The following ERICH6B variants were observed in gnomAD, a reference collection of about 807,000 sequenced individuals.
ERICH6B encodes glutamate rich 6B.
In ERICH6B, 69 loss-of-function variants were observed where a neutral mutation model predicts 80.0. The ratio of observed to expected loss-of-function variants is 0.86; its 90% CI spans 0.71 to 1.05. ERICH6B has a LOEUF of 1.05. Among genes scored for constraint, ERICH6B ranks in the 50% least tolerant of loss-of-function variants. The pLI is 0.00. For missense variants in ERICH6B, 754 were observed against 796.1 expected, an observed-to-expected ratio of 0.95 and a Z score of 0.64; for synonymous variants, 283 against 291.9, an observed-to-expected ratio of 0.97 and a Z score of 0.31.
rs1484664608 is a variant in ERICH6B at position 45,596,350 on chromosome 13, C to T, written c.637+19G>A. On this transcript the variant is annotated intron_variant, in intron 3 of 14. Transcript: ENST00000298738. ...ATACTTTTCCTCCCATAGATGCTCT[C>T]CCTCCTCCAGATACTCACCTTTCAG... The T allele has an allele frequency of 4.5e-6, 7 of 1,540,150 alleles. No homozygotes were observed. The highest frequency in any genetic ancestry group is 5.3e-6 in the Non-Finnish European group (6 of 1,141,782).
intron 8 of ERICH6B, among the ~76,000 whole-genome samples, chr13:45,570,589 C>G (rs1479116601): frequency 1.3e-5 from 2 of 152,224 alleles, no homozygotes; most frequent in Non-Finnish European, 2.9e-5. Flanking sequence ...GGTAGTCTCT[C>G]AAAATGTGCC....
chr13:45,587,041 G>T, intron 5 of ERICH6B, 22 bp downstream of exon 5: 1 of 1,546,988 alleles, frequency 6.5e-7, no homozygotes, highest in South Asian at 1.2e-5. Flanking sequence ...GCGCCTCACC[G>T]ACAGAGCGCA....
rs1261373829 is a variant in ERICH6B at position 45,544,795 on chromosome 13, T to C, written c.1837A>G (p.Lys613Glu). The change falls in exon 14 of 15, where the codon AAG (lysine) becomes GAG (glutamate). Residue 613 changes from lysine (K) to glutamate (E), a missense_variant. By Grantham distance (56) the Lys-to-Glu change is moderately conservative. Transcript: ENST00000298738. ...KIIFCFTYEQ[K>E]QICLNLGTRY... ...GTGCCCAGGTTTAAACAAATCTGCT[T>C]CTGTTCATAGGTGAAGCAGAAGATG... The C allele has an allele frequency of 6.4e-7, 1 of 1,551,692 alleles. No homozygotes were observed. The highest frequency in any genetic ancestry group is 1.2e-5 in the South Asian group (1 of 84,056).
chr13:45,601,012 G>A (rs1312281371), intron 2 of ERICH6B, among the ~76,000 whole-genome samples: 1 of 152,066 alleles, frequency 6.6e-6, no homozygotes, highest in Non-Finnish European at 1.5e-5. Context: ...CCATGCCCCA[G>A]GCCTGCCTTC....
At position 45,576,932 on chromosome 13, in the gene ERICH6B, G is replaced by A. The variant is rs1484443342; in HGVS notation, c.962-2002C>T. Among the ~76,000 whole-genome samples the A allele has an allele frequency of 3.3e-5, 5 of 152,150 alleles. No homozygotes were observed. In the East Asian group the frequency reaches 9.6e-4, roughly 29 times the overall value. Reference sequence around the variant, plus strand: ...GACTGGGGCTGAATGAGAAGAAAAAGCCTTATTTCTAATTAACTTTCCCTT... The same window carrying A: ...GACTGGGGCTGAATGAGAAGAAAAAACCTTATTTCTAATTAACTTTCCCTT... On this transcript the variant is annotated intron_variant, in intron 7 of 14. Transcript: ENST00000298738.
chr13:45,554,637 A>C (rs1874362140), intron 11 of ERICH6B, among the ~76,000 whole-genome samples: 1 of 152,242 alleles, frequency 6.6e-6, no homozygotes, highest in Non-Finnish European at 1.5e-5. Context: ...ATGTTCTCTC[A>C]CTGGGAAATA....
intron 1 of ERICH6B, among the ~76,000 whole-genome samples, chr13:45,614,428 G>T (rs1949916449): frequency 6.6e-6 from 1 of 150,698 alleles, no homozygotes; most frequent in Non-Finnish European, 1.5e-5. Context: ...GATTTCAACA[G>T]AAGGATGTGG....
chr13:45,606,953 G>C (rs944211010), intron 2 of ERICH6B, among the ~76,000 whole-genome samples: 2 of 152,052 alleles, frequency 1.3e-5, no homozygotes, highest in African/African-American at 4.8e-5. Flanking sequence ...TTTCTACCCT[G>C]TGTTTCTGAG....
At chr13:45,578,675 G>C (rs1191407932) in intron 7 of ERICH6B, among the ~76,000 whole-genome samples, 1 of 152,176 alleles carries the variant, frequency 6.6e-6, no homozygotes, top group Non-Finnish European at 1.5e-5. Flanking sequence ...GGTTGGGCTG[G>C]TGGCTGCTAT....
chr13:45,593,898 C>A (rs1287643675), intron 3 of ERICH6B, among the ~76,000 whole-genome samples: 2 of 152,166 alleles, frequency 1.3e-5, no homozygotes, highest in Admixed American at 6.5e-5. Flanking sequence ...TTTGTCATAT[C>A]TAGGGCTCAT....
At position 45,611,700 on chromosome 13, in the gene ERICH6B, C is replaced by T. The variant is rs538662039; in HGVS notation, c.-111+3985G>A. On this transcript the variant is annotated intron_variant, in intron 1 of 14. Coordinates refer to ENST00000298738, the MANE Select transcript of ERICH6B (RefSeq NM_182542.3). ...GGGGTGACCCCAGACACAGGTGGCT[C>T]CCCAGTGATGACCTTGGCTTTCCAA... Among the ~76,000 whole-genome samples the T allele has an allele frequency of 3.2e-4, 49 of 152,310 alleles. No homozygotes were observed. The South Asian group carries it at 4.8e-3, about 15-fold the overall frequency.
chr13:45,557,261 G>T (rs1874480276), intron 11 of ERICH6B, among the ~76,000 whole-genome samples: 1 of 151,792 alleles, frequency 6.6e-6, no homozygotes, highest in Non-Finnish European at 1.5e-5. Flanking sequence ...TCATGTCCTT[G>T]GCCCATTTTT....
intron 11 of ERICH6B, among the ~76,000 whole-genome samples, chr13:45,555,072 G>A (rs1269999303): frequency 6.6e-6 from 1 of 152,106 alleles, no homozygotes; most frequent in Non-Finnish European, 1.5e-5. Context: ...CATTTTAGAT[G>A]TTAGTGGGGA....
intron 11 of ERICH6B, chr13:45,551,432 ACTCCTCCTTCACATCCTC>A (rs1874218080): frequency 6.6e-6 from 1 of 151,414 alleles, no homozygotes; most frequent in Non-Finnish European, 1.5e-5. Flanking sequence ...TCTTCCTCCT[ACTCCTCCTTCACATCCTC>A]CTCCTCCTTT....
At chr13:45,606,525 ATATATATATATATATATATATATTT>A (rs1949863502) in intron 2 of ERICH6B, among the ~76,000 whole-genome samples, 6 of 32,070 alleles carry the variant, frequency 1.9e-4, no homozygotes, top group Non-Finnish European at 1.6e-4. Flanking sequence ...ATATATATAT[ATATATATATATATATATATATATTT>A]TTTTTTTTTT....
intron 11 of ERICH6B, 87 bp downstream of exon 11, chr13:45,561,282 C>G: frequency 7.6e-7 from 1 of 1,319,778 alleles, no homozygotes; most frequent in Non-Finnish European, 1.0e-6. Context: ...TTGTTCCTTA[C>G]AGCTCTCTGG....
intron 11 of ERICH6B, among the ~76,000 whole-genome samples, chr13:45,553,878 A>G (rs1310372472): frequency 6.6e-6 from 1 of 152,168 alleles, no homozygotes; most frequent in Non-Finnish European, 1.5e-5. Flanking sequence ...ATGTTGTACA[A>G]CATGATGTTT....
chr13:45,571,222 A>G (rs1201691928), intron 8 of ERICH6B, among the ~76,000 whole-genome samples: 3 of 152,154 alleles, frequency 2.0e-5, no homozygotes, highest in Non-Finnish European at 2.9e-5. Flanking sequence ...TGTCACCTGG[A>G]CCCTGGAGTA....
Position 45,607,915 on chromosome 13 carries a change from A to G in ERICH6B, c.-110-300T>C, listed in dbSNP as rs955493268. ...TGGGCACTGCAGAGAACTCACAGGG[A>G]CGCCACAGTATAGTTTAAATTTTTG... On this transcript the variant is annotated intron_variant, in intron 1 of 14. Transcript: ENST00000298738. Among the ~76,000 whole-genome samples the G allele has an allele frequency of 5.3e-5, 8 of 152,166 alleles. 1 individual carries two copies. Among genetic ancestry groups the G allele is most frequent in the Admixed American group, 5.2e-4 (8 of 15,276 alleles).
Sources: gnomAD v4.1 joint callset for allele counts (sites outside exome capture counted in the v4.1 genomes callset) on GRCh38, gnomAD v4.1.1 for gene constraint, MANE v1.5 for transcripts, NCBI Gene and HGNC (gene_info 2026-07-23, HGNC 2026-07-21) for gene names.